The following AKT3 variants were observed in gnomAD, a reference collection of about 807,000 sequenced individuals.
The protein encoded by AKT3 is AKT serine/threonine kinase 3, also known as RAC-gamma serine/threonine-protein kinase.
In AKT3, 15 loss-of-function variants were observed where a neutral mutation model predicts 65.3. That is an observed-to-expected ratio of 0.23 (90% CI 0.15 to 0.35). AKT3 has a LOEUF of 0.35. Among genes scored for constraint, AKT3 ranks in the 10% least tolerant of loss-of-function variants. AKT3 has a pLI of 1.00. For missense variants in AKT3, 243 were observed against 576.5 expected, an observed-to-expected ratio of 0.42 and a Z score of 5.92; for synonymous variants, 206 against 183.8, an observed-to-expected ratio of 1.12 and a Z score of -0.98.
At chr1:243,825,581 A>T (rs567044615) in intron 2 of AKT3, among the ~76,000 whole-genome samples, 1 of 152,334 alleles carries the variant, frequency 6.6e-6, no homozygotes, top group Non-Finnish European at 1.5e-5. Flanking sequence ...TTGGCTGACC[A>T]TTATTTGGGT....
chr1:243,663,665 T>G (rs1238114102), intron 4 of AKT3, among the ~76,000 whole-genome samples: 1 of 152,236 alleles, frequency 6.6e-6, no homozygotes, highest in East Asian at 1.9e-4. Flanking sequence ...AAAGTGTTAT[T>G]AAAATAATAC....
chr1:243,747,746 AACTG>A, intron 2 of AKT3, among the ~76,000 whole-genome samples: 1 of 152,338 alleles, frequency 6.6e-6, no homozygotes, highest in Non-Finnish European at 1.5e-5. Context: ...ACTTATTGTA[AACTG>A]ACTTTATCCA....
downstream of AKT3, among the ~76,000 whole-genome samples, chr1:243,496,593 C>G (rs1447464317): frequency 6.6e-6 from 1 of 152,180 alleles, no homozygotes; most frequent in Non-Finnish European, 1.5e-5. Context: ...CTAGAGCCAC[C>G]CACGGAGACA....
chr1:243,758,985 C>G (rs1689320977), intron 2 of AKT3, among the ~76,000 whole-genome samples: 1 of 152,276 alleles, frequency 6.6e-6, no homozygotes, highest in South Asian at 2.1e-4. Flanking sequence ...CCAAATCATT[C>G]TGACTTAAGT....
At chr1:243,722,441 A>G (rs566719208) in intron 2 of AKT3, among the ~76,000 whole-genome samples, 5 of 152,324 alleles carry the variant, frequency 3.3e-5, no homozygotes, top group East Asian at 3.9e-4. Flanking sequence ...ATAAAATGCT[A>G]AGGGGAAAAC....
intron 2 of AKT3, among the ~76,000 whole-genome samples, chr1:243,752,630 T>C (rs543420144): frequency 6.6e-6 from 1 of 152,364 alleles, no homozygotes; most frequent in African/African-American, 2.4e-5. Context: ...CAAATTCAAA[T>C]AGACTTTAGA....
intron 2 of AKT3, among the ~76,000 whole-genome samples, chr1:243,738,993 C>T (rs574768918): frequency 6.6e-6 from 1 of 152,252 alleles, no homozygotes; most frequent in Non-Finnish European, 1.5e-5. Context: ...CACCATCTCT[C>T]ATTTAATCAA....
At chr1:243,583,170 G>GTATATATATATA (rs74162293) in intron 8 of AKT3, among the ~76,000 whole-genome samples, 1 of 118,586 alleles carries the variant, frequency 8.4e-6, no homozygotes, top group African/African-American at 3.4e-5. Context: ...ATATGTGTGT[G>GTATATATATATA]TATATATATA....
At chr1:243,546,267 T>C (rs1672670994) in intron 11 of AKT3, among the ~76,000 whole-genome samples, 1 of 152,220 alleles carries the variant, frequency 6.6e-6, no homozygotes, top group South Asian at 2.1e-4. Flanking sequence ...AAACCCCTTT[T>C]TCTTTATAAA....
At chr1:243,544,798 T>G (rs1220173091) in intron 12 of AKT3, among the ~76,000 whole-genome samples, 1 of 151,502 alleles carries the variant, frequency 6.6e-6, no homozygotes, top group Non-Finnish European at 1.5e-5. Flanking sequence ...CAACCTCCTG[T>G]GCTCAAGCAA....
At position 243,583,168 on chromosome 1, in the gene AKT3, G is replaced by GTATATATA. The variant is rs1425079716; in HGVS notation, c.697-10121_697-10120insTATATATA. ...ATCTCTCTCTTCCATGTATATGTGT[G>GTATATATA]TGTATATATATATATATATATATAT... On this transcript the variant is annotated intron_variant, in intron 8 of 13. Coordinates refer to ENST00000673466, the MANE Select transcript of AKT3 (RefSeq NM_005465.7). Among the ~76,000 whole-genome samples the GTATATATA allele has an allele frequency of 3.1e-4, 35 of 113,222 alleles. 1 individual carries two copies. The highest frequency in any genetic ancestry group is 1.1e-3 in the African/African-American group (32 of 28,596). The allele number at this position is 113,222 out of a possible 152,430, so 74.3% of individuals were successfully genotyped here. A position where few individuals can be genotyped will look rare whatever the true frequency, so the allele number is the denominator to read the frequency against.
At chr1:243,494,026 C>A (rs944713492) in intron 13 of AKT3, among the ~76,000 whole-genome samples, 3 of 152,116 alleles carry the variant, frequency 2.0e-5, no homozygotes, top group African/African-American at 7.2e-5. Context: ...GTGGTCCTTC[C>A]AGGAGCCCTG....
chr1:243,790,098 C>T lies in AKT3; in HGVS notation c.46+53027G>A, dbSNP rs1188751785. On this transcript the variant is annotated intron_variant, in intron 2 of 13. Coordinates refer to ENST00000673466, the MANE Select transcript of AKT3 (RefSeq NM_005465.7). ...TTTTGGAATGGTAAAGGAGCACTGA[C>T]TTCAACTTAAAGTCACCAGCTGCAT... Among the ~76,000 whole-genome samples the T allele has an allele frequency of 4.6e-5, 7 of 152,310 alleles. No homozygotes were observed. In the Middle Eastern group the frequency reaches 0.01, roughly 222 times the overall value.
chr1:243,708,612 T>A lies in AKT3; in HGVS notation c.47-12896A>T, dbSNP rs899838242. ...GAAAGATTTTCTTAAAACCAAGGCA[T>A]CAGGAAGGAAAATGCATGGAATCAT... On this transcript the variant is annotated intron_variant, in intron 2 of 13. Transcript: ENST00000673466. 2.0e-5 allele frequency among the ~76,000 whole-genome samples: 3 copies of A among 151,950 alleles called. No homozygotes were observed. In the East Asian group the frequency reaches 5.8e-4, roughly 29 times the overall value.
At chr1:243,821,866 G>C (rs1558844953) in intron 2 of AKT3, among the ~76,000 whole-genome samples, 1 of 152,174 alleles carries the variant, frequency 6.6e-6, no homozygotes, top group African/African-American at 2.4e-5. Context: ...ATATTAGATA[G>C]ATCATCAAGA....
At chr1:243,547,694 T>G (rs117587483) in intron 11 of AKT3, among the ~76,000 whole-genome samples, 3 of 152,222 alleles carry the variant, frequency 2.0e-5, no homozygotes, top group Non-Finnish European at 4.4e-5. Context: ...TATAATTATA[T>G]AATTCTAATG....
intron 8 of AKT3, among the ~76,000 whole-genome samples, chr1:243,595,560 C>T (rs1676546581): frequency 6.6e-6 from 1 of 152,138 alleles, no homozygotes; most frequent in Admixed American, 6.5e-5. Context: ...CATTGTACAG[C>T]TATACAAAAA....
intron 12 of AKT3, among the ~76,000 whole-genome samples, chr1:243,539,399 C>T (rs1672147473): frequency 6.6e-6 from 1 of 152,016 alleles, no homozygotes. Flanking sequence ...AAATAACATA[C>T]AAAATATGTG....
chr1:243,571,091 A>G (rs892020585), intron 9 of AKT3, among the ~76,000 whole-genome samples: 1 of 152,172 alleles, frequency 6.6e-6, no homozygotes, highest in African/African-American at 2.4e-5. Context: ...AGGTCGAGGC[A>G]GGCGGTCACG....
Sources: allele counts gnomAD v4.1 joint callset (sites outside exome capture counted in the v4.1 genomes callset), GRCh38; gene constraint gnomAD v4.1.1; transcripts MANE v1.5; gene names NCBI Gene and HGNC (gene_info 2026-07-23, HGNC 2026-07-21).